The following ADGRD2 variants were observed in gnomAD, a reference collection of about 807,000 sequenced individuals.
The protein encoded by ADGRD2 is G protein-coupled receptor PGR24.
Under a neutral mutation model 44.4 loss-of-function variants are expected in ADGRD2, and 71 were observed. The observed-to-expected ratio is 1.60, with a 90% CI of 1.32 to 1.95. The LOEUF is 1.95. Ranked by LOEUF, ADGRD2 falls within the 30% of genes most tolerant of loss-of-function variation. The probability of loss-of-function intolerance (pLI) is 0.00; values close to 1 mark genes in which losing one functional copy is unlikely to be tolerated. For synonymous variants in ADGRD2, 481 were observed against 224.8 expected (o/e 2.14, Z -10.19); for missense variants, 1,039 against 512.4 (o/e 2.03, Z -9.92).
intron 10 of ADGRD2, among the ~76,000 whole-genome samples, chr9:124,463,415 T>C (rs1831755383): frequency 1.3e-5 from 2 of 152,220 alleles, no homozygotes; most frequent in Non-Finnish European, 2.9e-5. Flanking sequence ...TTTATGTTTA[T>C]GTTCATGAAT....
At chr9:124,461,885 A>G (rs1831728987) in intron 10 of ADGRD2, among the ~76,000 whole-genome samples, 1 of 151,978 alleles carries the variant, frequency 6.6e-6, no homozygotes, top group Non-Finnish European at 1.5e-5. Flanking sequence ...AGCTGAGATT[A>G]TAGGCACATG....
chr9:124,453,949 G>C, intron 3 of ADGRD2, 50 bp from the exon 7 acceptor site: 1 of 614,334 alleles, frequency 1.6e-6, no homozygotes, highest in East Asian at 2.8e-5. Context: ...GTGCGTCCTG[G>C]CTCGCCAGGG....
At chr9:124,470,790 C>T (rs2131255785) in intron 17 of ADGRD2, among the ~76,000 whole-genome samples, 176 bp downstream of exon 20, 1 of 152,380 alleles carries the variant, frequency 6.6e-6, no homozygotes, top group Non-Finnish European at 1.5e-5. Context: ...AACAGGCAAC[C>T]TCCAATCAAC....
At chr9:124,462,036 G>A (rs145455220) in intron 10 of ADGRD2, among the ~76,000 whole-genome samples, 35 of 150,146 alleles carry the variant, frequency 2.3e-4, no homozygotes, top group African/African-American at 8.1e-4. Context: ...TGTGAGCCAC[G>A]GTGCCTGGCC....
At chr9:124,451,426 T>A, upstream of ADGRD2, 1 of 358,386 alleles carries the variant, frequency 2.8e-6, no homozygotes, top group Non-Finnish European at 5.5e-6. Flanking sequence ...GGAGACCATC[T>A]TTTGTGCAAG....
exon 12 of ADGRD2, chr9:124,467,801 C>A: frequency 1.4e-6 from 1 of 718,560 alleles, no homozygotes. Flanking sequence ...TCACCACCAC[C>A]TTCTTGCTCT....
chr9:124,477,310 A>ACG (rs1230073423), intron 21 of ADGRD2, among the ~76,000 whole-genome samples: 1 of 152,118 alleles, frequency 6.6e-6, no homozygotes, highest in Non-Finnish European at 1.5e-5. Flanking sequence ...AGCCATGCGG[A>ACG]CCCTGACCGC....
At chr9:124,450,918 A>G (rs1468575871), upstream of ADGRD2, among the ~76,000 whole-genome samples, 1 of 152,234 alleles carries the variant, frequency 6.6e-6, no homozygotes, top group East Asian at 1.9e-4. Context: ...GGGCTGGAGC[A>G]GAGACCCAGG....
intron 20 of ADGRD2, 56 bp from the exon 24 acceptor site, chr9:124,476,623 G>A (rs1181139513): frequency 4.4e-6 from 3 of 681,514 alleles, no homozygotes; most frequent in Non-Finnish European, 8.0e-6. Flanking sequence ...GGTCCCCAGG[G>A]CAAGGGGCAG....
chr9:124,451,372 C>T (rs1831464788), upstream of ADGRD2: 2 of 386,346 alleles, frequency 5.2e-6, no homozygotes, highest in Admixed American at 5.9e-5. Context: ...TCCCAGCTCT[C>T]CAGGGCGACA....
chr9:124,458,765 G>A (rs1831669295), intron 10 of ADGRD2, 44 bp downstream of exon 13: 2 of 708,470 alleles, frequency 2.8e-6, no homozygotes, highest in African/African-American at 1.8e-5. Context: ...TGGCGCACGT[G>A]TCCTGGTTCA....
intron 11 of ADGRD2, chr9:124,467,449 C>G: frequency 4.4e-6 from 2 of 458,670 alleles, no homozygotes; most frequent in South Asian, 7.3e-5. Context: ...GGATCCCTCC[C>G]CGTGGGCACG....
At chr9:124,468,011 T>C in intron 12 of ADGRD2, 77 bp from the exon 16 acceptor site, 1 of 715,658 alleles carries the variant, frequency 1.4e-6, no homozygotes, top group Non-Finnish European at 2.6e-6. Flanking sequence ...GCACAGGGGA[T>C]CGGGCAGGAC....
chr9:124,475,389 C>G, intron 17 of ADGRD2, 57 bp from the exon 21 acceptor site: 4 of 692,948 alleles, frequency 5.8e-6, no homozygotes, highest in Non-Finnish European at 1.1e-5. Context: ...CAAGGCCAGG[C>G]TGTGGGGGAT....
intron 8 of ADGRD2, among the ~76,000 whole-genome samples, chr9:124,457,900 G>T (rs1171343305): frequency 6.6e-6 from 1 of 152,202 alleles, no homozygotes. Flanking sequence ...AGGGGCAAAG[G>T]GCCTTGGAGT....
chr9:124,468,139 G>C, exon 13 of ADGRD2: 1 of 718,592 alleles, frequency 1.4e-6, no homozygotes, highest in Non-Finnish European at 2.6e-6. Flanking sequence ...CCTTCTCCCT[G>C]GCCTCTGCCG....
intron 7 of ADGRD2, among the ~76,000 whole-genome samples, chr9:124,456,985 A>T (rs563537949): frequency 2.6e-5 from 4 of 152,336 alleles, no homozygotes; most frequent in African/African-American, 9.6e-5. Context: ...TCTGAGAGAC[A>T]GTTCCTCCCG....
At chr9:124,455,412 G>A (rs1042792698) in intron 6 of ADGRD2, among the ~76,000 whole-genome samples, 27 of 152,106 alleles carry the variant, frequency 1.8e-4, no homozygotes, top group African/African-American at 6.3e-4. Flanking sequence ...CCAACATAAT[G>A]AAACCCTGTC....
intron 17 of ADGRD2, among the ~76,000 whole-genome samples, chr9:124,472,216 T>C (rs1289371430): frequency 6.6e-6 from 1 of 152,192 alleles, no homozygotes; most frequent in African/African-American, 2.4e-5. Context: ...GATCCCTCCC[T>C]TCAGTTCTCA....
Sources: gnomAD v4.1 joint callset for allele counts (sites outside exome capture counted in the v4.1 genomes callset) on GRCh38, gnomAD v4.1.1 for gene constraint, MANE v1.5 for transcripts, NCBI Gene and HGNC (gene_info 2026-07-23, HGNC 2026-07-21) for gene names.